The following BMP2K variants were observed in gnomAD, a reference collection of about 807,000 sequenced individuals.
BMP2K encodes BMP-2-inducible protein kinase.
BMP2K carries 74 observed loss-of-function variants against 116.0 expected under a neutral mutation model. The observed-to-expected ratio is 0.64, with a 90% confidence interval of 0.53 to 0.77. BMP2K has a LOEUF of 0.77. BMP2K is among the 30% of genes least tolerant of loss of function. BMP2K has a pLI of 0.00. For synonymous variants in BMP2K, 486 were observed against 502.5 expected (o/e 0.97, Z 0.44); for missense variants, 1,365 against 1,403.6 (o/e 0.97, Z 0.44).
intron 10 of BMP2K, 143 bp from the exon 11 acceptor site, chr4:78,870,640 A>G (rs1732282126): frequency 9.6e-6 from 11 of 1,146,892 alleles, no homozygotes; most frequent in Non-Finnish European, 1.3e-5. Context: ...ATCCCTATAA[A>G]CTCTATGCAT....
At chr4:78,789,171 G>A (rs192522639) in intron 1 of BMP2K, among the ~76,000 whole-genome samples, 56 of 152,072 alleles carry the variant, frequency 3.7e-4, no homozygotes, top group African/African-American at 4.8e-5. Context: ...TAAATTTCCC[G>A]TAATTGTAGT....
chr4:78,795,230 G>A (rs1223776681), intron 1 of BMP2K, among the ~76,000 whole-genome samples: 1 of 152,040 alleles, frequency 6.6e-6, no homozygotes, highest in African/African-American at 2.4e-5. Context: ...CACACATACG[G>A]TGTCCCATTT....
Position 78,878,778 on chromosome 4 carries a change from A to G in BMP2K, c.1838A>G (p.Lys613Arg), listed in dbSNP as rs1732759389. ...GCCATTGCAAATTTCACAAATCAGA[A>G]GAACATCAGCAATCCACCTGATATG... ...KEAIANFTNQKNISNPPDMSG... is the reference protein window; with the variant it reads ...KEAIANFTNQRNISNPPDMSG... Residue 613 changes from lysine (K) to arginine (R), a missense_variant, in exon 14 of 16, where the codon AAG becomes AGG. Around this residue, in one of 3 missense-constraint regions of BMP2K, gnomAD observed 762 missense variants for 756.7 expected, o/e 1.01. Coordinates refer to ENST00000502613, the MANE Select transcript of BMP2K (RefSeq NM_198892.2). 1.9e-6 allele frequency: 3 copies of G among 1,612,958 alleles called. No individual in the cohort carries two copies. The highest frequency in any genetic ancestry group is 2.5e-6 in the Non-Finnish European group (3 of 1,179,662).
In BMP2K at chr4:78,865,475, G is replaced by A. The variant is rs1194294667; in HGVS notation, c.1068-82G>A. 11 of 1,319,482 alleles carry A rather than the reference G, an allele frequency of 8.3e-6. No homozygotes were observed. The East Asian group carries it at 1.7e-4, about 21-fold the overall frequency. 81.7% of individuals were successfully genotyped at this position (1,319,482 alleles called of 1,614,324 possible). A position where few individuals can be genotyped will look rare whatever the true frequency, so the allele number is the denominator to read the frequency against. ...TATCAGTAATAGTTAAAATGTATCT[G>A]TTGAGTTGGATGCTTTATAGAATAA... On this transcript the variant is annotated intron_variant, in intron 9 of 15. Transcript: ENST00000502613.
chr4:78,792,957 C>T (rs1450618822), intron 1 of BMP2K, among the ~76,000 whole-genome samples: 4 of 152,180 alleles, frequency 2.6e-5, no homozygotes, highest in African/African-American at 7.2e-5. Flanking sequence ...TTATGTACTT[C>T]ATTCAACCAA....
chr4:78,837,047 T>A (rs917484008), intron 3 of BMP2K, among the ~76,000 whole-genome samples: 1 of 152,164 alleles, frequency 6.6e-6, no homozygotes, highest in Non-Finnish European at 1.5e-5. Flanking sequence ...TCAAATGTTC[T>A]GAGCTTTCTA....
chr4:78,876,294 G>T (rs553277905), intron 13 of BMP2K, among the ~76,000 whole-genome samples: 78 of 151,626 alleles, frequency 5.1e-4, no homozygotes, highest in African/African-American at 1.8e-3. Flanking sequence ...AAAAACATCT[G>T]ATCTGTGTTT....
chr4:78,852,052 A>G (rs1284691904), intron 7 of BMP2K, among the ~76,000 whole-genome samples: 1 of 152,138 alleles, frequency 6.6e-6, no homozygotes, highest in African/African-American at 2.4e-5. Flanking sequence ...AAAAATGACC[A>G]AAAGAAAAAA....
intron 4 of BMP2K, among the ~76,000 whole-genome samples, chr4:78,842,806 A>G (rs1577918259): frequency 6.6e-6 from 1 of 151,966 alleles, no homozygotes; most frequent in Non-Finnish European, 1.5e-5. Flanking sequence ...ATTTGAACAT[A>G]AATGTGATTT....
At position 78,844,971 on chromosome 4, in the gene BMP2K, G is replaced by A. The variant is rs1730930478; in HGVS notation, c.590G>A (p.Cys197Tyr). 6.2e-7 allele frequency: 1 copy of A among 1,600,714 alleles called. No homozygotes were observed. Among genetic ancestry groups the A allele is most frequent in the Non-Finnish European group, 8.6e-7 (1 of 1,169,280 alleles). The change falls in exon 5 of 16, where the codon TGT becomes TAT. Residue 197 changes from cysteine to tyrosine, a missense_variant. Cys to Tyr is a radical substitution (Grantham distance 194, BLOSUM62 -2). Around this residue, in one of 3 missense-constraint regions of BMP2K, gnomAD observed 762 missense variants for 756.7 expected, o/e 1.01. Coordinates refer to ENST00000502613, the MANE Select transcript of BMP2K (RefSeq NM_198892.2). ...AATGATGGTGGGAACTATGTACTTTGTGACTTTGGCAGTGCCACTAATAAA... is the reference window on the plus strand; with the variant it reads ...AATGATGGTGGGAACTATGTACTTTATGACTTTGGCAGTGCCACTAATAAA... ...LLNDGGNYVL[C>Y]DFGSATNKFL...
intron 2 of BMP2K, 40 bp from the exon 3 acceptor site, chr4:78,833,542 A>G (rs756564717): frequency 2.3e-6 from 3 of 1,329,036 alleles, no homozygotes; most frequent in East Asian, 4.7e-5. Flanking sequence ...ATACCTTTAA[A>G]TGTACATTTT....
At chr4:78,889,527 A>C (rs1733311732) in intron 15 of BMP2K, among the ~76,000 whole-genome samples, 1 of 152,182 alleles carries the variant, frequency 6.6e-6, no homozygotes. Flanking sequence ...TTTTAGGTAA[A>C]AATGTATTTG....
intron 1 of BMP2K, among the ~76,000 whole-genome samples, chr4:78,797,124 C>T (rs1728333853): frequency 6.6e-6 from 1 of 152,014 alleles, no homozygotes; most frequent in East Asian, 1.9e-4. Context: ...AGTCTTAGTC[C>T]TTAATACAGT....
rs1478652816 is a variant in BMP2K at position 78,913,522 on chromosome 4, A to G, written c.*1489A>G. 6.6e-6 allele frequency: 1 copy of G among 152,132 alleles called. No individual in the cohort carries two copies. 9.4% of individuals were successfully genotyped at this position (152,132 alleles called of 1,614,324 possible). On this transcript the variant is annotated 3_prime_UTR_variant, in exon 16 of 16. Coordinates refer to ENST00000502613, the MANE Select transcript of BMP2K (RefSeq NM_198892.2). ...GGAAGTTTCTAGAACAGTTAATGCT[A>G]TTTACAGAAAGGAGTAGAAACTCAT...
chr4:78,824,554 C>G (rs534631052), intron 1 of BMP2K, among the ~76,000 whole-genome samples: 4 of 152,334 alleles, frequency 2.6e-5, no homozygotes, highest in African/African-American at 9.6e-5. Flanking sequence ...CCACCAGGCT[C>G]TGCCCTTGAC....
In BMP2K at chr4:78,910,640, C is replaced by T. The variant is rs1734537460; in HGVS notation, c.2093C>T (p.Ser698Phe). 1.3e-6 allele frequency: 2 copies of T among 1,556,384 alleles called. No homozygotes were observed. The highest frequency in any genetic ancestry group is 2.2e-5 in the East Asian group (1 of 44,514). The change falls in exon 16 of 16, where the codon TCT becomes TTT. Residue 698 changes from serine to phenylalanine, a missense_variant. This residue lies in a region of BMP2K where 596 missense variants were observed against 623.2 expected (regional missense o/e 0.96). Transcript: ENST00000502613. ...CCTGAAAAGAAAGCTGAACATTCAT[C>T]TATAAATCAAGAAAATGGCACTGCA... ...GSPEKKAEHSSINQENGTANP... is the reference protein window; with the variant it reads ...GSPEKKAEHSFINQENGTANP...
chr4:78,889,603 TA>T (rs949780093), intron 15 of BMP2K, among the ~76,000 whole-genome samples: 17 of 152,276 alleles, frequency 1.1e-4, no homozygotes, highest in Middle Eastern at 6.8e-3. Context: ...AACCTCCCTA[TA>T]AGCTTTAGGA....
chr4:78,868,895 T>C (rs1732196679), intron 10 of BMP2K, among the ~76,000 whole-genome samples: 1 of 152,184 alleles, frequency 6.6e-6, no homozygotes, highest in Non-Finnish European at 1.5e-5. Context: ...GCGGCTTTCA[T>C]GGGCTGGCCG....
In BMP2K at chr4:78,785,454, A is replaced by T. The variant is rs1727685393; in HGVS notation, c.178+8733A>T. Among the ~76,000 whole-genome samples the T allele has an allele frequency of 3.3e-5, 5 of 152,168 alleles. No individual in the cohort carries two copies. The South Asian group carries it at 1.0e-3, about 32-fold the overall frequency. ...CATTGGAAAAAGGTCTTTTCTAAGA[A>T]GTTGCCTTACATGCTAGTCCTTGAG... On this transcript the variant is annotated intron_variant, in intron 1 of 15. Coordinates refer to ENST00000502613, the MANE Select transcript of BMP2K (RefSeq NM_198892.2).
Sources: allele counts gnomAD v4.1 joint callset (sites outside exome capture counted in the v4.1 genomes callset), GRCh38; gene constraint gnomAD v4.1.1; regional missense constraint gnomAD v4.1.1; transcripts MANE v1.5; gene names NCBI Gene and HGNC (gene_info 2026-07-23, HGNC 2026-07-21).